DLG5: variants seen among roughly 807,000 people sequenced by gnomAD.
DLG5 encodes the protein disks large homolog 5.
Under a neutral mutation model 189.8 loss-of-function variants are expected in DLG5, and 48 were observed. The ratio of observed to expected loss-of-function variants is 0.25; its 90% CI spans 0.20 to 0.32. The LOEUF (loss-of-function observed/expected upper bound fraction) is 0.32. Ranked by LOEUF, DLG5 falls within the 10% of genes least tolerant of loss-of-function variation. The pLI, the probability that DLG5 is intolerant of heterozygous loss-of-function variation, is 1.00. For missense variants in DLG5, 2,160 were observed against 2,544.7 expected (o/e 0.85, Z 3.25); for synonymous variants, 1,016 against 1,054.1 (o/e 0.96, Z 0.70).
rs1379856327 is a variant in DLG5, at chr10:77,796,613, C to T, written c.5165-19G>A. ...ACCGAATCTGAGGGAGAGAGAGCAG[C>T]AGCGTCACGGACCCAGCTTGGAGTG... On this transcript the variant is annotated intron_variant, in intron 27 of 31. Transcript: ENST00000372391. This position sits in a 1 kb window ranked among gnomAD's most constrained non-coding sequence, Gnocchi z 5.2. The T allele has an allele frequency of 1.2e-6, 2 of 1,613,542 alleles. No homozygotes were observed. Among genetic ancestry groups the T allele is most frequent in the African/African-American group, 2.7e-5 (2 of 75,044 alleles).
At chr10:77,816,965 G>A (rs369246074) in intron 19 of DLG5, 42 bp downstream of exon 19, 21 of 1,592,034 alleles carry the variant, frequency 1.3e-5, no homozygotes, top group South Asian at 5.5e-5. Flanking sequence ...GAGTCAGACC[G>A]CAGGAAAAGC....
At chr10:77,877,363 C>G (rs1401782025) in intron 1 of DLG5, among the ~76,000 whole-genome samples, 1 of 150,774 alleles carries the variant, frequency 6.6e-6, no homozygotes, top group Non-Finnish European at 1.5e-5. Context: ...TAAAATAAAA[C>G]TAGCACATAA....
At chr10:77,805,947 G>A in intron 26 of DLG5, 86 bp from the exon 27 acceptor site, 3 of 1,358,410 alleles carry the variant, frequency 2.2e-6, no homozygotes, top group East Asian at 2.3e-5. Flanking sequence ...AAAAGCAAAG[G>A]TGGGCCAGAC....
intron 1 of DLG5, among the ~76,000 whole-genome samples, chr10:77,918,548 G>C (rs1846438389): frequency 6.6e-6 from 1 of 152,170 alleles, no homozygotes; most frequent in African/African-American, 2.4e-5. Context: ...TATCTACCAA[G>C]GGTTTAGAGG....
the DLG5 span, among the ~76,000 whole-genome samples, chr10:77,934,371 CAA>C: frequency 5.2e-5 from 5 of 96,296 alleles, no homozygotes; most frequent in Admixed American, 1.2e-4. Flanking sequence ...AACTCCATCT[CAA>C]AAAAAAAAAA....
chr10:77,878,196 G>A lies in DLG5; in HGVS notation c.305-8999C>T, dbSNP rs116340618. ...AGTACACTGCCCTCCACCCTCCCAG[G>A]GCAACTGTAGCAAGGCAGGCTCTGC... On this transcript the variant is annotated intron_variant, in intron 1 of 31. Transcript: ENST00000372391. 7.7e-3 allele frequency among the ~76,000 whole-genome samples: 1,178 copies of A among 152,308 alleles called. 15 individuals carry two copies. The highest frequency in any genetic ancestry group is 0.027 in the African/African-American group (1,105 of 41,554).
At chr10:77,887,852 G>A (rs1309274266) in intron 1 of DLG5, among the ~76,000 whole-genome samples, 2 of 152,202 alleles carry the variant, frequency 1.3e-5, no homozygotes, top group African/African-American at 2.4e-5. Context: ...AGGCTCCAGA[G>A]CCACACGCCT....
chr10:77,825,948 A>T (rs1842615249), intron 13 of DLG5, among the ~76,000 whole-genome samples: 1 of 152,218 alleles, frequency 6.6e-6, no homozygotes, highest in Non-Finnish European at 1.5e-5. Context: ...ATCCACATTT[A>T]AAAAATTTTC....
At chr10:77,910,243 AG>A (rs1436546904) in intron 1 of DLG5, among the ~76,000 whole-genome samples, 1 of 152,238 alleles carries the variant, frequency 6.6e-6, no homozygotes, top group African/African-American at 2.4e-5. Flanking sequence ...TACCGAGTAA[AG>A]GTAGTCATTA....
chr10:77,926,194 G>A lies in DLG5; in HGVS notation c.304+23C>T, dbSNP rs1846685787. On this transcript the variant is annotated intron_variant, in intron 1 of 31. Coordinates refer to ENST00000372391, the MANE Select transcript of DLG5 (RefSeq NM_004747.4). The surrounding 1 kb of genome is among the most constrained non-coding windows in gnomAD (Gnocchi z 5.2). ...AAGCGGAGGGCGCGTCCCAGAGGCG[G>A]GGGCCAAGGGTCTGCCACTCACCCG... 5 of 1,386,642 alleles carry A rather than the reference G, an allele frequency of 3.6e-6. No individual in the cohort carries two copies. The highest frequency in any genetic ancestry group is 4.7e-6 in the Non-Finnish European group (5 of 1,058,916). The allele number at this position is 1,386,642 out of a possible 1,614,324, so 85.9% of individuals were successfully genotyped here.
intron 11 of DLG5, 146 bp downstream of exon 11, chr10:77,830,071 C>T (rs773030558): frequency 2.8e-5 from 26 of 944,416 alleles, no homozygotes; most frequent in Middle Eastern, 3.4e-4. Flanking sequence ...GCATTATTAG[C>T]TGCTGAGACT....
intron 27 of DLG5, among the ~76,000 whole-genome samples, chr10:77,804,441 G>A (rs914628279): frequency 6.6e-6 from 1 of 152,200 alleles, no homozygotes; most frequent in Non-Finnish European, 1.5e-5. Flanking sequence ...ACTACAGTGT[G>A]ATCCACTGAA....
At chr10:77,924,117 G>A (rs1353641886) in intron 1 of DLG5, among the ~76,000 whole-genome samples, 3 of 152,024 alleles carry the variant, frequency 2.0e-5, no homozygotes, top group Admixed American at 6.6e-5. Context: ...TGCCCGCCTC[G>A]GCCTCCCAAA....
At chr10:77,836,031 A>T in intron 7 of DLG5, 109 bp from the exon 8 acceptor site, 2 of 1,196,438 alleles carry the variant, frequency 1.7e-6, no homozygotes, top group South Asian at 1.5e-5. Flanking sequence ...AGCTGGATGG[A>T]GGGAAACACG....
At chr10:77,833,681 G>A (rs932507479) in intron 9 of DLG5, among the ~76,000 whole-genome samples, 8 of 152,248 alleles carry the variant, frequency 5.3e-5, no homozygotes. Context: ...CCTGCCCTGT[G>A]TCTAAGAATT....
At chr10:77,882,400 C>T (rs980260432) in intron 1 of DLG5, among the ~76,000 whole-genome samples, 3 of 152,144 alleles carry the variant, frequency 2.0e-5, no homozygotes, top group Non-Finnish European at 2.9e-5. Context: ...GAAAGTGCTT[C>T]GTAACTGCTA....
rs114226650 is a variant in DLG5, at chr10:77,898,634, G to A, written c.304+27583C>T. Among the ~76,000 whole-genome samples, 1,384 of 152,316 alleles carry A rather than the reference G, an allele frequency of 9.1e-3. 23 individuals carry two copies. The highest frequency in any genetic ancestry group is 0.031 in the African/African-American group (1,294 of 41,576). On this transcript the variant is annotated intron_variant, in intron 1 of 31. Coordinates refer to ENST00000372391, the MANE Select transcript of DLG5 (RefSeq NM_004747.4). ...CACCAGCGCAGGAGCAGCTCCTGACGGCACACGAGTCACGCGGCTGGGCCC... is the reference window on the plus strand; with the variant it reads ...CACCAGCGCAGGAGCAGCTCCTGACAGCACACGAGTCACGCGGCTGGGCCC...
chr10:77,884,018 G>A (rs1295794682), intron 1 of DLG5, among the ~76,000 whole-genome samples: 4 of 151,576 alleles, frequency 2.6e-5, no homozygotes, highest in African/African-American at 9.7e-5. Context: ...ATTGTTCTAA[G>A]TGTATATAAA....
intron 23 of DLG5, among the ~76,000 whole-genome samples, chr10:77,810,280 T>C (rs1841694963): frequency 6.6e-6 from 1 of 152,150 alleles, no homozygotes; most frequent in Non-Finnish European, 1.5e-5. Context: ...TGGAAACAGA[T>C]ACAGGGGGCT....
Sources: allele counts gnomAD v4.1 joint callset (sites outside exome capture counted in the v4.1 genomes callset), GRCh38; gene constraint gnomAD v4.1.1; non-coding constraint Gnocchi (gnomAD v3.1); transcripts MANE v1.5; gene names NCBI Gene and HGNC (gene_info 2026-07-23, HGNC 2026-07-21).